The following ROS1 variants were observed in gnomAD, a reference collection of about 807,000 sequenced individuals.
ROS1 encodes ROS proto-oncogene 1, receptor tyrosine kinase, also known as proto-oncogene tyrosine-protein kinase ROS.
ROS1 carries 263 observed loss-of-function variants against 273.5 expected under a neutral mutation model. The observed-to-expected ratio is 0.96, with a 90% confidence interval of 0.87 to 1.06. ROS1 has a LOEUF of 1.06. Among genes scored for constraint, ROS1 ranks in the 50% least tolerant of loss-of-function variants. The probability of loss-of-function intolerance (pLI) is 0.00; values close to 1 mark genes in which losing one functional copy is unlikely to be tolerated. For synonymous variants in ROS1, 1,008 were observed against 954.1 expected, an observed-to-expected ratio of 1.06 and a Z score of -1.04; for missense variants, 2,833 against 2,751.1, an observed-to-expected ratio of 1.03 and a Z score of -0.67.
intron 39 of ROS1, among the ~76,000 whole-genome samples, chr6:117,312,320 C>G (rs973014224): frequency 2.0e-5 from 3 of 152,074 alleles, no homozygotes; most frequent in Non-Finnish European, 2.9e-5. Context: ...GTGGTGTTCT[C>G]CCTACCTCCC....
At position 117,401,992 on chromosome 6, in the gene ROS1, C is replaced by T. The variant is rs182625557; in HGVS notation, c.604+1147G>A. Among the ~76,000 whole-genome samples, 9 of 152,264 alleles carry T rather than the reference C, an allele frequency of 5.9e-5. No homozygotes were observed. In the East Asian group the frequency reaches 7.7e-4, roughly 13 times the overall value. On this transcript the variant is annotated intron_variant, in intron 7 of 43. Transcript: ENST00000368507. ...TCTCACCTGGGTCACCACATGGCTT[C>T]CTACCAGTTCTTCCTGCTTCCTCCC... is the stretch of plus-strand genomic sequence containing the variant.
intron 41 of ROS1, among the ~76,000 whole-genome samples, chr6:117,309,664 A>G (rs1342857365): frequency 2.0e-5 from 3 of 152,122 alleles, no homozygotes; most frequent in African/African-American, 7.2e-5. Flanking sequence ...GGGATGTCCA[A>G]ATCTCCCCAG....
At chr6:117,332,400 A>T (rs1320367688) in intron 32 of ROS1, among the ~76,000 whole-genome samples, 1 of 152,196 alleles carries the variant, frequency 6.6e-6, no homozygotes, top group Non-Finnish European at 1.5e-5. Flanking sequence ...GTAGTGGGAA[A>T]CTTCAACACC....
chr6:117,336,657 T>C (rs1187500553), intron 32 of ROS1, among the ~76,000 whole-genome samples: 1 of 152,178 alleles, frequency 6.6e-6, no homozygotes, highest in African/African-American at 2.4e-5. Context: ...ATCTTTGTAA[T>C]AGAATGATTT....
chr6:117,368,321 CA>C (rs1254732510), intron 18 of ROS1, among the ~76,000 whole-genome samples: 2 of 151,928 alleles, frequency 1.3e-5, no homozygotes, highest in African/African-American at 4.8e-5. Flanking sequence ...TTAAAGCATT[CA>C]CTTTTCTCTC....
intron 7 of ROS1, among the ~76,000 whole-genome samples, chr6:117,398,996 C>T (rs1773732182): frequency 1.3e-5 from 2 of 149,864 alleles, no homozygotes; most frequent in Non-Finnish European, 1.5e-5. Context: ...GGCAATAGCA[C>T]CATCTAAAAT....
At chr6:117,399,307 G>A (rs993335053) in intron 7 of ROS1, among the ~76,000 whole-genome samples, 5 of 152,212 alleles carry the variant, frequency 3.3e-5, no homozygotes, top group African/African-American at 1.2e-4. Flanking sequence ...GATAACATAT[G>A]GCATTGCTTG....
chr6:117,298,014 A>G (rs980472952), intron 43 of ROS1, among the ~76,000 whole-genome samples: 1 of 151,104 alleles, frequency 6.6e-6, no homozygotes, highest in Non-Finnish European at 1.5e-5. Context: ...TGTGTTATAG[A>G]CAATGAAATA....
chr6:117,346,704 C>A (rs1200818173), intron 27 of ROS1, among the ~76,000 whole-genome samples: 1 of 152,090 alleles, frequency 6.6e-6, no homozygotes, highest in East Asian at 1.9e-4. Context: ...AATACCCCTA[C>A]CAAAGTAGTA....
rs936476170 is a variant in ROS1 at position 117,394,179 on chromosome 6, A to C, written c.1174T>G (p.Phe392Val). The part of the protein sequence containing the change: ...SIDWLYQRMY[F>V]IMDELVCVCD... The stretch of plus-strand genomic sequence containing the variant: ...GGACTAACCAGTTCATCCATGATGA[A>C]ATACATTCTTTGATAAAGCCAATCT... Residue 392 changes from phenylalanine (F) to valine (V), a missense_variant, in exon 11 of 44, where the codon TTC (phenylalanine) becomes GTC (valine). Physicochemically the swap from Phe to Val is conservative, Grantham distance 50 (BLOSUM62 -1). Coordinates refer to ENST00000368507, the MANE Select transcript of ROS1 (RefSeq NM_001378902.1). 6.3e-7 allele frequency: 1 copy of C among 1,592,132 alleles called. No homozygotes were observed.
chr6:117,407,734 C>T (rs1314748679), intron 5 of ROS1, among the ~76,000 whole-genome samples: 2 of 152,016 alleles, frequency 1.3e-5, no homozygotes, highest in Non-Finnish European at 2.9e-5. Flanking sequence ...CACATGGAAC[C>T]AAAAAAATGC....
At chr6:117,389,921 C>T (rs538644012) in intron 12 of ROS1, 75 bp from the exon 13 acceptor site, 3 of 1,293,982 alleles carry the variant, frequency 2.3e-6, no homozygotes, top group Admixed American at 2.2e-5. Flanking sequence ...CTAATTGCTT[C>T]ATTCTGTTGC....
intron 42 of ROS1, among the ~76,000 whole-genome samples, chr6:117,304,074 C>A (rs1008514836): frequency 6.6e-6 from 1 of 152,156 alleles, no homozygotes. Flanking sequence ...GATCTGATGA[C>A]TTCACATGTA....
chr6:117,321,896 G>A (rs890741442), intron 35 of ROS1, among the ~76,000 whole-genome samples: 7 of 140,894 alleles, frequency 5.0e-5, no homozygotes, highest in African/African-American at 1.9e-4. Flanking sequence ...ACACATACTC[G>A]AATATGTAGA....
Position 117,362,816 on chromosome 6 carries a change from T to A in ROS1, c.3153A>T (p.Lys1051Asn). The A allele has an allele frequency of 1.2e-6, 2 of 1,613,450 alleles. No individual in the cohort carries two copies. The highest frequency in any genetic ancestry group is 1.7e-6 in the Non-Finnish European group (2 of 1,179,556). Residue 1051 changes from lysine to asparagine, a missense_variant, in exon 22 of 44, where the codon AAA becomes AAT. Physicochemically the swap from Lys to Asn is moderately conservative, Grantham distance 94 (BLOSUM62 0). Transcript: ENST00000368507. ...CCACAACTTCATTCTTGTTGCAGCA[T>A]TTTCCACTTGGTAATATAAATATTC... ...NPRIFILPSGKCCNKNEVVVE... is the reference protein window; with the variant it reads ...NPRIFILPSGNCCNKNEVVVE...
Position 117,357,786 on chromosome 6 carries a change from A to C in ROS1, c.3839+18T>G, listed in dbSNP as rs1295730328. On this transcript the variant is annotated intron_variant, in intron 25 of 43. Coordinates refer to ENST00000368507, the MANE Select transcript of ROS1 (RefSeq NM_001378902.1). ...ATCTATTTCATCACAATATAAAAAA[A>C]TACTTGCATTTACATACCTTAAAAG... 1.3e-6 allele frequency: 2 copies of C among 1,489,272 alleles called. No individual in the cohort carries two copies. Among genetic ancestry groups the C allele is most frequent in the Non-Finnish European group, 1.9e-6 (2 of 1,074,432 alleles). The allele number at this position is 1,489,272 out of a possible 1,614,324, so 92.3% of individuals were successfully genotyped here. A position where few individuals can be genotyped will look rare whatever the true frequency, so the allele number is the denominator to read the frequency against.
intron 27 of ROS1, among the ~76,000 whole-genome samples, chr6:117,348,139 T>C (rs1403880760): frequency 2.6e-5 from 4 of 152,024 alleles, no homozygotes; most frequent in African/African-American, 9.7e-5. Context: ...TTCAATTTTC[T>C]GAAAGACATT....
chr6:117,310,354 T>C (rs1293262876), intron 40 of ROS1, 73 bp from the exon 41 acceptor site: 1 of 1,112,888 alleles, frequency 9.0e-7, no homozygotes, highest in African/African-American at 1.6e-5. Flanking sequence ...GAAGTAGCCC[T>C]AGTAGGTCTG....
chr6:117,374,514 T>C (rs1781154642), intron 18 of ROS1, among the ~76,000 whole-genome samples: 1 of 152,148 alleles, frequency 6.6e-6, no homozygotes, highest in Admixed American at 6.5e-5. Context: ...ACCTAAAACC[T>C]TAACAATTCT....
Sources: allele counts gnomAD v4.1 joint callset (sites outside exome capture counted in the v4.1 genomes callset), GRCh38; gene constraint gnomAD v4.1.1; transcripts MANE v1.5; gene names NCBI Gene and HGNC (gene_info 2026-07-23, HGNC 2026-07-21).